The following CMYA5 variants were observed in gnomAD, a reference collection of about 807,000 sequenced individuals.
CMYA5 encodes cardiomyopathy-associated protein 5.
CMYA5 carries 246 observed loss-of-function variants against 318.9 expected under a neutral mutation model. That is an observed-to-expected ratio of 0.77 (90% CI 0.70 to 0.86). The LOEUF (loss-of-function observed/expected upper bound fraction) is 0.86, where lower values mean the gene tolerates loss of function less well. CMYA5 is among the 40% of genes least tolerant of loss of function. The pLI, the probability that CMYA5 is intolerant of heterozygous loss-of-function variation, is 0.00. For synonymous variants in CMYA5, 1,641 were observed against 1,729.5 expected, an observed-to-expected ratio of 0.95 and a Z score of 1.27; for missense variants, 4,589 against 4,678.2, an observed-to-expected ratio of 0.98 and a Z score of 0.56.
chr5:79,714,440 T>C (rs1827475415), intron 1 of CMYA5, among the ~76,000 whole-genome samples: 2 of 144,522 alleles, frequency 1.4e-5, no homozygotes, highest in African/African-American at 5.2e-5. Flanking sequence ...TCTTTTTTTT[T>C]TTTTTTTTTT....
At chr5:79,773,717 TGAATGAAG>T (rs1289912726) in intron 9 of CMYA5, among the ~76,000 whole-genome samples, 2 of 152,276 alleles carry the variant, frequency 1.3e-5, no homozygotes, top group East Asian at 3.9e-4. Flanking sequence ...AATGAATGAA[TGAATGAAG>T]GGGATTAACC....
At position 79,799,715 on chromosome 5, in the gene CMYA5, C is replaced by T. The variant is rs115123280; in HGVS notation, c.*99C>T. The T allele has an allele frequency of 2.2e-3, 3,165 of 1,425,994 alleles. 55 individuals are homozygous for T. In the African/African-American group the frequency reaches 0.04, roughly 18 times the overall value. 88.3% of individuals were successfully genotyped at this position (1,425,994 alleles called of 1,614,324 possible). ...TATACATTATTCAAAAAGTCTCCCG[C>T]GCATTTGCACTAATGATGGCTGCAT... On this transcript the variant is annotated 3_prime_UTR_variant, in exon 13 of 13. Coordinates refer to ENST00000446378, the MANE Select transcript of CMYA5 (RefSeq NM_153610.5).
chr5:79,713,050 C>A (rs1320252154), intron 1 of CMYA5, among the ~76,000 whole-genome samples: 1 of 152,150 alleles, frequency 6.6e-6, no homozygotes, highest in Non-Finnish European at 1.5e-5. Flanking sequence ...GTCCCAGGAA[C>A]CTGAACATTC....
At chr5:79,698,907 C>T (rs896883517) in intron 1 of CMYA5, among the ~76,000 whole-genome samples, 2 of 152,140 alleles carry the variant, frequency 1.3e-5, no homozygotes, top group Admixed American at 1.3e-4. Flanking sequence ...CCTGTAATCC[C>T]AGCACTTTGG....
intron 5 of CMYA5, among the ~76,000 whole-genome samples, chr5:79,751,643 T>C (rs1054115864): frequency 6.6e-6 from 1 of 152,228 alleles, no homozygotes; most frequent in African/African-American, 2.4e-5. Context: ...CTCTTATTTA[T>C]TCAAAATATG....
At chr5:79,711,965 A>G (rs1255869191) in intron 1 of CMYA5, among the ~76,000 whole-genome samples, 2 of 152,204 alleles carry the variant, frequency 1.3e-5, no homozygotes, top group Admixed American at 6.5e-5. Context: ...CATATGGTAC[A>G]GCAGTATCTC....
chr5:79,784,907 C>G (rs1022794100), intron 9 of CMYA5, among the ~76,000 whole-genome samples: 1 of 151,966 alleles, frequency 6.6e-6, no homozygotes, highest in Non-Finnish European at 1.5e-5. Flanking sequence ...AGCTGTAGAC[C>G]GGAGCTGTTC....
intron 6 of CMYA5, among the ~76,000 whole-genome samples, chr5:79,754,007 A>C (rs1580788050): frequency 6.6e-6 from 1 of 152,210 alleles, no homozygotes; most frequent in Admixed American, 6.5e-5. Flanking sequence ...CAATGAGAGG[A>C]CGTTTAATAT....
intron 12 of CMYA5, among the ~76,000 whole-genome samples, chr5:79,798,515 C>A (rs1420346845): frequency 6.6e-6 from 1 of 152,128 alleles, no homozygotes; most frequent in Non-Finnish European, 1.5e-5. Flanking sequence ...TGGCCTTGAA[C>A]CTTTCCCTTC....
intron 9 of CMYA5, among the ~76,000 whole-genome samples, chr5:79,770,380 G>T (rs114203175): frequency 6.8e-6 from 1 of 146,288 alleles, no homozygotes; most frequent in Non-Finnish European, 1.5e-5. Flanking sequence ...CTGGCTCAGT[G>T]CCTGCCCAAA....
chr5:79,773,696 GTGAATGAATGAATGAA>G lies in CMYA5; in HGVS notation c.11555+10500_11555+10515del, dbSNP rs148088756. 2.0e-5 allele frequency among the ~76,000 whole-genome samples: 3 copies of G among 152,114 alleles called. No homozygotes were observed. The East Asian group carries it at 5.8e-4, about 30-fold the overall frequency. Reference sequence around the variant, plus strand: ...CAATAAATGTCTGTTTCACGAATGAGTGAATGAATGAATGAATGAATGAATGAAGGGGATTAACCAA... The same window carrying G: ...CAATAAATGTCTGTTTCACGAATGAGTGAATGAATGAAGGGGATTAACCAA... On this transcript the variant is annotated intron_variant, in intron 9 of 12. Transcript: ENST00000446378.
chr5:79,711,005 C>T (rs143567899), intron 1 of CMYA5, among the ~76,000 whole-genome samples: 146 of 152,282 alleles, frequency 9.6e-4, no homozygotes, highest in African/African-American at 3.4e-3. Flanking sequence ...TATTCCAATA[C>T]AGTCCTCTAT....
chr5:79,708,310 T>G (rs998440367), intron 1 of CMYA5, among the ~76,000 whole-genome samples: 1 of 152,120 alleles, frequency 6.6e-6, no homozygotes, highest in Non-Finnish European at 1.5e-5. Context: ...ACATGGCAAA[T>G]ACTAATCATA....
intron 12 of CMYA5, among the ~76,000 whole-genome samples, chr5:79,795,055 A>G (rs1238571943): frequency 6.6e-6 from 1 of 152,168 alleles, no homozygotes; most frequent in Non-Finnish European, 1.5e-5. Flanking sequence ...AGCCCACACC[A>G]AGGGCTAACC....
intron 1 of CMYA5, among the ~76,000 whole-genome samples, chr5:79,723,443 G>A (rs375853724): frequency 9.8e-4 from 119 of 121,502 alleles, no homozygotes; most frequent in Admixed American, 1.0e-3. Context: ...CATCTCAAAG[G>A]AAAAAAAAAA....
At chr5:79,704,839 A>G (rs1827240462) in intron 1 of CMYA5, among the ~76,000 whole-genome samples, 1 of 152,166 alleles carries the variant, frequency 6.6e-6, no homozygotes, top group Admixed American at 6.5e-5. Flanking sequence ...AGGCCTAAAT[A>G]TACCTCTGGC....
intron 9 of CMYA5, among the ~76,000 whole-genome samples, chr5:79,776,270 C>T (rs147989106): frequency 3.9e-4 from 60 of 152,248 alleles, no homozygotes; most frequent in African/African-American, 1.3e-3. Context: ...CTCATAATAT[C>T]ATCATTTATC....
intron 12 of CMYA5, among the ~76,000 whole-genome samples, chr5:79,797,360 C>T (rs1235990584): frequency 6.6e-6 from 1 of 152,140 alleles, no homozygotes; most frequent in Non-Finnish European, 1.5e-5. Flanking sequence ...TAAAGAAATG[C>T]CAGTTAACAG....
At chr5:79,723,569 C>T (rs1451971220) in intron 1 of CMYA5, among the ~76,000 whole-genome samples, 2 of 104,018 alleles carry the variant, frequency 1.9e-5, no homozygotes, top group African/African-American at 1.5e-4. Flanking sequence ...TGAGAACAAC[C>T]TGGTGACATG....
Sources: gnomAD v4.1 joint callset for allele counts (sites outside exome capture counted in the v4.1 genomes callset) on GRCh38, gnomAD v4.1.1 for gene constraint, MANE v1.5 for transcripts, NCBI Gene and HGNC (gene_info 2026-07-23, HGNC 2026-07-21) for gene names.